The following HGFAC variants were observed in gnomAD, a reference collection of about 807,000 sequenced individuals.
HGFAC encodes hepatocyte growth factor activator serine protease.
A neutral mutation model predicts 70.6 loss-of-function variants in HGFAC; 76 were observed. The ratio of observed to expected loss-of-function variants is 1.08; its 90% CI spans 0.89 to 1.30. The LOEUF (loss-of-function observed/expected upper bound fraction) is 1.30. Among genes scored for constraint, HGFAC ranks in the 50% most tolerant of loss-of-function variants. The pLI, the probability that HGFAC is intolerant of heterozygous loss-of-function variation, is 0.00. For synonymous variants in HGFAC, 464 were observed against 405.3 expected, an observed-to-expected ratio of 1.14 and a Z score of -1.74; for missense variants, 1,044 against 933.7, an observed-to-expected ratio of 1.12 and a Z score of -1.54.
chr4:3,443,546 G>T, intron 4 of HGFAC, 126 bp downstream of exon 4: 1 of 563,064 alleles, frequency 1.8e-6, no homozygotes, highest in Non-Finnish European at 2.9e-6. Flanking sequence ...AGGAGCTCTG[G>T]GATTAACCCC....
chr4:3,445,335 C>T lies in HGFAC; in HGVS notation c.1087C>T (p.Arg363Cys), dbSNP rs146524474. 4.8e-5 allele frequency: 76 copies of T among 1,580,128 alleles called. No individual in the cohort carries two copies. The highest frequency in any genetic ancestry group is 5.9e-5 in the Non-Finnish European group (69 of 1,163,978). Residue 363 changes from arginine (R) to cysteine (C), a missense_variant, in exon 9 of 14, where the codon CGC (arginine) becomes TGC (cysteine). Coordinates refer to ENST00000382774, the MANE Select transcript of HGFAC (RefSeq NM_001528.4). Reference sequence around the variant, plus strand: ...CAGCGCGCTCTCCTGGGAGTACTGCCGCCTGGAGGCCTGCGGTGCGCGGCT... The same window carrying T: ...CAGCGCGCTCTCCTGGGAGTACTGCTGCCTGGAGGCCTGCGGTGCGCGGCT... ...KDSALSWEYC[R>C]LEACESLTRV...
chr4:3,445,807 G>T lies in HGFAC; in HGVS notation c.1103-235G>T, dbSNP rs115673416. On this transcript the variant is annotated intron_variant, in intron 9 of 13. Transcript: ENST00000382774. ...CCGGGCTGCTGAGGGGGCCACAAAGGCCTCCGTGTGTCCAGCCCCTCTGGC... is the reference window on the plus strand; with the variant it reads ...CCGGGCTGCTGAGGGGGCCACAAAGTCCTCCGTGTGTCCAGCCCCTCTGGC... 6.2e-3 allele frequency: 8,807 copies of T among 1,427,152 alleles called. 349 individuals carry two copies. The African/African-American group carries it at 0.094, about 15-fold the overall frequency. The allele number at this position is 1,427,152 out of a possible 1,614,324, so 88.4% of individuals were successfully genotyped here. A position where few individuals can be genotyped will look rare whatever the true frequency, so the allele number is the denominator to read the frequency against.
rs369359490 is a variant in HGFAC at position 3,444,919 on chromosome 4, G to C, written c.942G>C (p.Leu314=). 1.0e-4 allele frequency: 162 copies of C among 1,609,500 alleles called. No homozygotes were observed. The highest frequency in any genetic ancestry group is 1.3e-4 in the Non-Finnish European group (151 of 1,178,808). The change falls in exon 8 of 14, where the codon CTG becomes CTC. Residue 314 remains leucine (L), a synonymous_variant. Transcript: ENST00000382774. ...GCTGCCTGGCCTGGAACTCCGATCTGCTCTACCAGGAGCTGCACGTGGACT... is the reference window on the plus strand; with the variant it reads ...GCTGCCTGGCCTGGAACTCCGATCTCCTCTACCAGGAGCTGCACGTGGACT... ...GLSCLAWNSD[L]LYQELHVDSV...
Position 3,444,879 on chromosome 4 carries a change from C to T in HGFAC, c.902C>T (p.Ser301Leu), listed in dbSNP as rs1416832672. The T allele has an allele frequency of 3.1e-6, 5 of 1,608,152 alleles. No individual in the cohort carries two copies. Among genetic ancestry groups the T allele is most frequent in the East Asian group, 2.2e-5 (1 of 44,762 alleles). The change falls in exon 8 of 14, where the codon TCA (serine) becomes TTA (leucine). Residue 301 changes from serine to leucine, a missense_variant. Coordinates refer to ENST00000382774, the MANE Select transcript of HGFAC (RefSeq NM_001528.4). ...GGGTACCGTGGCGTGGCCAGCACCT[C>T]AGCCTCGGGCCTCAGCTGCCTGGCC... is the stretch of plus-strand genomic sequence containing the variant. ...GTGYRGVAST[S>L]ASGLSCLAWN... is the part of the protein sequence containing the mutation.
In HGFAC at chr4:3,442,128, G is replaced by T; in HGVS notation, c.117+10G>T. 2 of 1,550,296 alleles carry T rather than the reference G, an allele frequency of 1.3e-6. No homozygotes were observed. Among genetic ancestry groups the T allele is most frequent in the South Asian group, 2.4e-5 (2 of 83,486 alleles). On this transcript the variant is annotated intron_variant, in intron 1 of 13. Coordinates refer to ENST00000382774, the MANE Select transcript of HGFAC (RefSeq NM_001528.4). ...GCCCCAGCCTGGCGGGGTGAGCACT[G>T]ACCTTGTCGCAGTGCGACCAGAGGT...
chr4:3,441,327 C>T (rs889876405), upstream of HGFAC, among the ~76,000 whole-genome samples: 4 of 152,128 alleles, frequency 2.6e-5, no homozygotes, highest in East Asian at 5.8e-4. The surrounding 1 kb of genome is among the most constrained non-coding windows in gnomAD (Gnocchi z 6.0). Flanking sequence ...TGAACATCAC[C>T]AGGGGCTGCT....
intron 1 of HGFAC, 96 bp from the exon 2 acceptor site, chr4:3,442,636 C>T: frequency 1.1e-6 from 1 of 905,100 alleles, no homozygotes; most frequent in Non-Finnish European, 1.6e-6. Context: ...TCTGGGGGCC[C>T]CAGTATGGAA....
In HGFAC at chr4:3,446,220, C is replaced by A. The variant is rs149037288; in HGVS notation, c.1281C>A (p.Ile427=). ...ACCCCTGGCTGGCCGCCATCTACATCGGGGACAGCTTCTGCGCCGGGAGCC... is the reference window on the plus strand; with the variant it reads ...ACCCCTGGCTGGCCGCCATCTACATAGGGGACAGCTTCTGCGCCGGGAGCC... ...GSHPWLAAIY[I]GDSFCAGSLV... The change falls in exon 10 of 14, where the codon ATC becomes ATA. Residue 427 remains isoleucine (I), a synonymous_variant. Transcript: ENST00000382774. 3.0e-4 allele frequency: 477 copies of A among 1,611,072 alleles called. 2 individuals carry two copies. In the African/African-American group the frequency reaches 5.6e-3, roughly 19 times the overall value.
intron 11 of HGFAC, 98 bp downstream of exon 11, chr4:3,447,729 G>A (rs1725566241): frequency 6.4e-7 from 1 of 1,562,250 alleles, no homozygotes; most frequent in Non-Finnish European, 8.8e-7. Flanking sequence ...GACATGTGGT[G>A]CGGGGGAAGC....
At chr4:3,445,108 C>T (rs528349785) in intron 8 of HGFAC, 115 bp downstream of exon 8, 49 of 1,349,536 alleles carry the variant, frequency 3.6e-5, no homozygotes, top group East Asian at 7.6e-5. Context: ...AGACAGGCCC[C>T]GGAACCTCTG....
intron 9 of HGFAC, chr4:3,445,696 C>T (rs185373915): frequency 1.9e-5 from 12 of 635,230 alleles, no homozygotes; most frequent in South Asian, 3.9e-5. Flanking sequence ...TGGGGAGAGG[C>T]CCCCCGGCTC....
intron 13 of HGFAC, 130 bp downstream of exon 13, chr4:3,448,406 C>T (rs1725608652): frequency 8.7e-7 from 1 of 1,148,862 alleles, no homozygotes; most frequent in East Asian, 2.6e-5. Context: ...GCCAGGGACC[C>T]CTGGGCAGGG....
Position 3,445,540 on chromosome 4 carries a change from C to T in HGFAC, c.1102+190C>T, listed in dbSNP as rs952680405. 12 of 617,974 alleles carry T rather than the reference C, an allele frequency of 1.9e-5. 1 individual carries two copies. Among genetic ancestry groups the T allele is most frequent in the Middle Eastern group, 4.3e-4 (1 of 2,304 alleles). The allele number at this position is 617,974 out of a possible 1,614,324, so 38.3% of individuals were successfully genotyped here. On this transcript the variant is annotated intron_variant, in intron 9 of 13. Transcript: ENST00000382774. ...ACTGGGGTCACAGTGGGGAAGCAGC[C>T]CGCTGCAGGGGGCTGGTCACCAGGC...
chr4:3,444,793 C>T lies in HGFAC; in HGVS notation c.842-26C>T, dbSNP rs201137715. On this transcript the variant is annotated intron_variant, in intron 7 of 13. Coordinates refer to ENST00000382774, the MANE Select transcript of HGFAC (RefSeq NM_001528.4). ...AGTGCCGGGTGGACCCACCGTGGGCCGGCCTCACTGCCCCTCTGCCCGCAG... is the reference window on the plus strand; with the variant it reads ...AGTGCCGGGTGGACCCACCGTGGGCTGGCCTCACTGCCCCTCTGCCCGCAG... The T allele has an allele frequency of 1.3e-4, 203 of 1,581,332 alleles. 3 individuals are homozygous for T. The Middle Eastern group carries it at 1.9e-3, about 15-fold the overall frequency.
Position 3,447,473 on chromosome 4 carries a change from T to C in HGFAC, c.1356-19T>C. On this transcript the variant is annotated intron_variant, in intron 10 of 13. Transcript: ENST00000382774. ...TGGGGGAGGGCTGGTCCATGCAGCC[T>C]CCAGCCCCCCTTGCACAGCCCCCCC... The C allele has an allele frequency of 1.2e-6, 2 of 1,611,672 alleles. No individual in the cohort carries two copies. Among genetic ancestry groups the C allele is most frequent in the Non-Finnish European group, 1.7e-6 (2 of 1,179,286 alleles).
intron 9 of HGFAC, 117 bp downstream of exon 9, chr4:3,445,467 C>G: frequency 1.3e-6 from 1 of 766,364 alleles, no homozygotes; most frequent in South Asian, 1.5e-5. Context: ...AATGGGGAAA[C>G]TGGAGCTCAC....
At chr4:3,447,730 C>A in intron 11 of HGFAC, 99 bp downstream of exon 11, 1 of 1,556,418 alleles carries the variant, frequency 6.4e-7, no homozygotes, top group Non-Finnish European at 8.8e-7. Flanking sequence ...ACATGTGGTG[C>A]GGGGGAAGCT....
Position 3,444,752 on chromosome 4 carries a change from CG to C in HGFAC, c.841+23del. 3.8e-6 allele frequency: 6 copies of C among 1,579,118 alleles called. No individual in the cohort carries two copies. The highest frequency in any genetic ancestry group is 4.3e-6 in the Non-Finnish European group (5 of 1,166,212). On this transcript the variant is annotated intron_variant, in intron 7 of 13. Transcript: ENST00000382774. ...AACATCGGTGAGTGGGTCAGCCCCC[CG>C]GGGTGCCCTGGGGCAGTGCCGGGTG...
chr4:3,444,024 C>T lies in HGFAC; in HGVS notation c.476-15C>T, dbSNP rs754037535. ...TCCCAGTCCGCCCCTCACACCCCCT[C>T]CCGCATGTCCCCAGCTGCCCTGGAT... On this transcript the variant is annotated splice_polypyrimidine_tract_variant and intron_variant, in intron 4 of 13. Transcript: ENST00000382774. 1.9e-6 allele frequency: 3 copies of T among 1,569,836 alleles called. No individual in the cohort carries two copies. Among genetic ancestry groups the T allele is most frequent in the South Asian group, 1.2e-5 (1 of 83,348 alleles).
Sources: gnomAD v4.1 joint callset for allele counts (sites outside exome capture counted in the v4.1 genomes callset) on GRCh38, gnomAD v4.1.1 for gene constraint, Gnocchi (gnomAD v3.1) non-coding constraint, MANE v1.5 for transcripts, NCBI Gene and HGNC (gene_info 2026-07-23, HGNC 2026-07-21) for gene names.